Variants in PAPSS2 observed in about 807,000 individuals in gnomAD.
The protein encoded by PAPSS2 is 3'-phosphoadenosine 5'-phosphosulfate synthase 2, also known as bifunctional 3'-phosphoadenosine 5'-phosphosulfate synthase 2.
A neutral mutation model predicts 66.5 loss-of-function variants in PAPSS2; 61 were observed. The ratio of observed to expected loss-of-function variants is 0.92; its 90% confidence interval spans 0.75 to 1.14. The LOEUF (loss-of-function observed/expected upper bound fraction) is 1.14. Among genes scored for constraint, PAPSS2 ranks in the 50% most tolerant of loss-of-function variants. The pLI, the probability that PAPSS2 is intolerant of heterozygous loss-of-function variation, is 0.00. For synonymous variants in PAPSS2, 289 were observed against 287.5 expected, an observed-to-expected ratio of 1.01 and a Z score of -0.05; for missense variants, 708 against 789.6, an observed-to-expected ratio of 0.90 and a Z score of 1.24.
intron 1 of PAPSS2, among the ~76,000 whole-genome samples, chr10:87,692,633 A>G (rs1351669653): frequency 6.6e-6 from 1 of 152,190 alleles, no homozygotes; most frequent in Non-Finnish European, 1.5e-5. Context: ...TCTGCTTCTA[A>G]TGCCTTGGTT....
chr10:87,735,436 A>G (rs1477911337), intron 9 of PAPSS2, among the ~76,000 whole-genome samples: 1 of 152,206 alleles, frequency 6.6e-6, no homozygotes, highest in African/African-American at 2.4e-5. Context: ...TAGTGTCCAG[A>G]ATAAATTACT....
rs181375487 is a variant in PAPSS2 at position 87,674,373 on chromosome 10, C to T, written c.27+14365C>T. On this transcript the variant is annotated intron_variant, in intron 1 of 12. Coordinates refer to ENST00000456849, the MANE Select transcript of PAPSS2 (RefSeq NM_001015880.2). ...TAGAGATGGGTTTTCACCATGTTGG[C>T]CAGGCTGGTCTTGAACTCCTGGCCT... is the stretch of plus-strand genomic sequence containing the variant. 6.0e-4 allele frequency among the ~76,000 whole-genome samples: 91 copies of T among 152,236 alleles called. 1 individual carries two copies. In the East Asian group the frequency reaches 0.017, roughly 28 times the overall value.
At chr10:87,665,345 G>A (rs1197849265) in intron 1 of PAPSS2, among the ~76,000 whole-genome samples, 2 of 152,070 alleles carry the variant, frequency 1.3e-5, no homozygotes, top group African/African-American at 4.8e-5. Flanking sequence ...CCGAGTAGCT[G>A]GAACTACAGG....
chr10:87,701,414 CT>C (rs1564716865), intron 1 of PAPSS2, among the ~76,000 whole-genome samples: 1 of 113,550 alleles, frequency 8.8e-6, no homozygotes, highest in Admixed American at 1.0e-4. Context: ...TTCTCTCTCT[CT>C]CTCTCTCTCT....
At chr10:87,672,913 TG>T (rs1285381936) in intron 1 of PAPSS2, among the ~76,000 whole-genome samples, 1 of 152,250 alleles carries the variant, frequency 6.6e-6, no homozygotes, top group African/African-American at 2.4e-5. Context: ...AAAATTTTAG[TG>T]TCTATAAATA....
In PAPSS2 at chr10:87,727,380, G is replaced by C; in HGVS notation, c.977G>C (p.Gly326Ala). Residue 326 changes from glycine to alanine, a missense_variant, in exon 9 of 13, where the codon GGT becomes GCT. Coordinates refer to ENST00000456849, the MANE Select transcript of PAPSS2 (RefSeq NM_001015880.2). ...EGCSKFVLAH[G>A]GRRVAILRDA... ...TGCAGCAAGTTTGTCCTGGCACATGGTGGACGGAGGGTAGCTATCTTACGA... is the reference window on the plus strand; with the variant it reads ...TGCAGCAAGTTTGTCCTGGCACATGCTGGACGGAGGGTAGCTATCTTACGA... The C allele has an allele frequency of 6.2e-7, 1 of 1,614,096 alleles. No homozygotes were observed. Among genetic ancestry groups the C allele is most frequent in the Non-Finnish European group, 8.5e-7 (1 of 1,179,978 alleles).
chr10:87,724,061 G>A (rs1853628404), intron 8 of PAPSS2, among the ~76,000 whole-genome samples: 1 of 152,014 alleles, frequency 6.6e-6, no homozygotes, highest in African/African-American at 2.4e-5. Flanking sequence ...TTTCTCATCT[G>A]TGAGTATAAT....
intron 7 of PAPSS2, among the ~76,000 whole-genome samples, chr10:87,717,958 C>T (rs1485787699): frequency 6.6e-6 from 1 of 152,198 alleles, no homozygotes; most frequent in East Asian, 1.9e-4. Flanking sequence ...AATCTCTAGC[C>T]TTTCTTTTAC....
chr10:87,730,243 C>T (rs74802711), intron 9 of PAPSS2, among the ~76,000 whole-genome samples: 4 of 152,206 alleles, frequency 2.6e-5, no homozygotes, highest in Admixed American at 6.5e-5. Flanking sequence ...TTACTGCACA[C>T]GGGGAAAATC....
chr10:87,741,102 C>T (rs1041268133), intron 9 of PAPSS2, 133 bp from the exon 10 acceptor site: 2 of 911,484 alleles, frequency 2.2e-6, no homozygotes, highest in South Asian at 1.4e-5. Context: ...TTGAGAAATA[C>T]TGTGCCAGAA....
chr10:87,736,619 C>T (rs998817265), intron 9 of PAPSS2, among the ~76,000 whole-genome samples: 17 of 152,144 alleles, frequency 1.1e-4, no homozygotes, highest in Non-Finnish European at 2.1e-4. Context: ...TTACCCCTAA[C>T]ATTTGTGGGG....
At chr10:87,678,955 A>G (rs1237416596) in intron 1 of PAPSS2, among the ~76,000 whole-genome samples, 1 of 152,226 alleles carries the variant, frequency 6.6e-6, no homozygotes, top group East Asian at 1.9e-4. Context: ...AGCAATCAGT[A>G]TATCAAAGAG....
At chr10:87,696,136 C>T (rs951539397) in intron 1 of PAPSS2, among the ~76,000 whole-genome samples, 1 of 152,190 alleles carries the variant, frequency 6.6e-6, no homozygotes, top group Non-Finnish European at 1.5e-5. Context: ...ATGAAATTCT[C>T]TATCTTGGGT....
chr10:87,668,621 T>C (rs1438033572), intron 1 of PAPSS2, among the ~76,000 whole-genome samples: 2 of 151,914 alleles, frequency 1.3e-5, no homozygotes, highest in Admixed American at 6.6e-5. Flanking sequence ...AAGTTGAACA[T>C]TATTTACTCT....
At chr10:87,707,778 C>T (rs559934733) in intron 1 of PAPSS2, among the ~76,000 whole-genome samples, 1 of 151,994 alleles carries the variant, frequency 6.6e-6, no homozygotes, top group South Asian at 2.1e-4. Flanking sequence ...CACTATGTTG[C>T]CCAGGCTGAT....
chr10:87,743,257 A>G (rs1300576166), intron 10 of PAPSS2, 116 bp from the exon 11 acceptor site: 1 of 1,137,332 alleles, frequency 8.8e-7, no homozygotes, highest in Non-Finnish European at 1.3e-6. Flanking sequence ...AAAAAAAAAA[A>G]AGCCAGTGGA....
At chr10:87,688,840 CTCTT>C (rs962050503) in intron 1 of PAPSS2, among the ~76,000 whole-genome samples, 23 of 152,252 alleles carry the variant, frequency 1.5e-4, no homozygotes, top group African/African-American at 4.1e-4. Context: ...AAATAACTCT[CTCTT>C]TTTCTTAATT....
chr10:87,703,060 C>A (rs1853337470), intron 1 of PAPSS2, among the ~76,000 whole-genome samples: 1 of 152,164 alleles, frequency 6.6e-6, no homozygotes, highest in Non-Finnish European at 1.5e-5. Flanking sequence ...GACACACATG[C>A]CACCCTGGGC....
At chr10:87,663,452 A>AGG (rs1186651151) in intron 1 of PAPSS2, among the ~76,000 whole-genome samples, 3 of 152,142 alleles carry the variant, frequency 2.0e-5, no homozygotes, top group Non-Finnish European at 2.9e-5. Flanking sequence ...ACACTACCGA[A>AGG]GGCAAGACAT....
Sources: gnomAD v4.1 joint callset for allele counts (sites outside exome capture counted in the v4.1 genomes callset) on GRCh38, gnomAD v4.1.1 for gene constraint, MANE v1.5 for transcripts, NCBI Gene and HGNC (gene_info 2026-07-23, HGNC 2026-07-21) for gene names.